NMRK1: variants seen among roughly 807,000 people sequenced by gnomAD.
NMRK1 encodes NRK 1.
A neutral mutation model predicts 29.9 loss-of-function variants in NMRK1; 28 were observed. The ratio of observed to expected loss-of-function variants is 0.94; its 90% CI spans 0.69 to 1.28. The LOEUF is 1.28. NMRK1 is among the 50% of genes most tolerant of loss of function. The pLI, the probability that NMRK1 is intolerant of heterozygous loss-of-function variation, is 0.00. For synonymous variants in NMRK1, 58 were observed against 73.0 expected (o/e 0.79, Z 1.05); for missense variants, 218 against 233.1 (o/e 0.94, Z 0.42).
At chr9:75,077,298 G>T in intron 3 of NMRK1, 91 bp from the exon 4 acceptor site, 2 of 972,942 alleles carry the variant, frequency 2.1e-6, no homozygotes, top group Non-Finnish European at 3.2e-6. Context: ...TTTAATAAAT[G>T]CTTTGGATGA....
At chr9:75,070,270 G>A (rs1823624453) in intron 4 of NMRK1, among the ~76,000 whole-genome samples, 1 of 152,150 alleles carries the variant, frequency 6.6e-6, no homozygotes, top group African/African-American at 2.4e-5. Flanking sequence ...AAAAAGTAAA[G>A]TACAGTGAAC....
At chr9:75,069,666 T>C in intron 6 of NMRK1, 76 bp downstream of exon 6, 2 of 1,163,676 alleles carry the variant, frequency 1.7e-6, no homozygotes, top group South Asian at 2.5e-5. Flanking sequence ...CATTGCTCAA[T>C]AATGTTGCTG....
intron 2 of NMRK1, chr9:75,078,206 C>T (rs1480535307): frequency 6.9e-7 from 1 of 1,447,226 alleles, no homozygotes; most frequent in South Asian, 1.4e-5. Context: ...TCATATGCAA[C>T]ACAGAGAATA....
intron 2 of NMRK1, chr9:75,078,560 G>A (rs1315344333): frequency 8.6e-6 from 11 of 1,279,252 alleles, no homozygotes; most frequent in Non-Finnish European, 9.9e-6. Flanking sequence ...TATTGAAAGC[G>A]TGTTTTAACC....
chr9:75,066,615 T>C (rs1187499964), intron 8 of NMRK1, 142 bp downstream of exon 8: 2 of 678,498 alleles, frequency 2.9e-6, no homozygotes, highest in Non-Finnish European at 5.4e-6. Flanking sequence ...GAATTTCTGA[T>C]TCTGAATTAT....
chr9:75,070,185 T>C (rs897954361), intron 4 of NMRK1, 143 bp from the exon 5 acceptor site: 1 of 606,544 alleles, frequency 1.6e-6, no homozygotes, highest in Non-Finnish European at 2.8e-6. Flanking sequence ...ACAAATAATT[T>C]AGATAACATG....
chr9:75,068,903 T>C (rs1823527190), intron 7 of NMRK1, 93 bp downstream of exon 7: 6 of 768,156 alleles, frequency 7.8e-6, no homozygotes, highest in Non-Finnish European at 1.3e-5. Flanking sequence ...TGCTTAAGCA[T>C]CCCTTTATAC....
At chr9:75,082,744 T>C in intron 2 of NMRK1, 1 of 275,176 alleles carries the variant, frequency 3.6e-6, no homozygotes, top group Non-Finnish European at 6.8e-6. Context: ...AAACTAAGTT[T>C]TCTCCTCCAT....
intron 5 of NMRK1, 32 bp downstream of exon 5, chr9:75,069,859 TTCAC>T: frequency 6.2e-7 from 1 of 1,612,004 alleles, no homozygotes; most frequent in East Asian, 2.2e-5. Context: ...TATCCCCCCA[TTCAC>T]TCAGAGACAA....
At chr9:75,061,643 T>G in intron 8 of NMRK1, 76 bp from the exon 9 acceptor site, 1 of 1,231,656 alleles carries the variant, frequency 8.1e-7, no homozygotes, top group Non-Finnish European at 1.2e-6. Context: ...TCAACAACAG[T>G]AAATCTAAGG....
At position 75,069,378 on chromosome 9, in the gene NMRK1, G is replaced by A. The variant is rs1823560598; in HGVS notation, c.390-276C>T. On this transcript the variant is annotated intron_variant, in intron 6 of 8. Coordinates refer to ENST00000361092, the MANE Select transcript of NMRK1 (RefSeq NM_017881.3). ...ATAAGAGAACTAAGAGACAAATAGTGTAAATAACAATGGAGAGACCACTAT... is the reference window on the plus strand; with the variant it reads ...ATAAGAGAACTAAGAGACAAATAGTATAAATAACAATGGAGAGACCACTAT... The A allele has an allele frequency of 1.0e-5, 5 of 476,320 alleles. No homozygotes were observed. The South Asian group carries it at 1.6e-4, about 15-fold the overall frequency. 29.5% of individuals were successfully genotyped at this position (476,320 alleles called of 1,614,324 possible).
At chr9:75,082,931 T>C (rs1824400779) in intron 2 of NMRK1, 156 bp downstream of exon 2, 1 of 621,698 alleles carries the variant, frequency 1.6e-6, no homozygotes. Flanking sequence ...TGTTGGCATT[T>C]ATGAAGCCAG....
chr9:75,065,051 G>A (rs1823257347), intron 8 of NMRK1, among the ~76,000 whole-genome samples: 1 of 152,198 alleles, frequency 6.6e-6, no homozygotes, highest in Non-Finnish European at 1.5e-5. Context: ...CCAGGGTGGA[G>A]TGCAATGGCA....
intron 1 of NMRK1, among the ~76,000 whole-genome samples, chr9:75,087,364 C>A (rs1463622394): frequency 6.6e-6 from 1 of 152,036 alleles, no homozygotes; most frequent in East Asian, 1.9e-4. Flanking sequence ...TTCCTCCCAC[C>A]GAAGATTCAA....
intron 4 of NMRK1, 30 bp from the exon 5 acceptor site, chr9:75,070,072 C>A: frequency 6.3e-7 from 1 of 1,583,128 alleles, no homozygotes; most frequent in Non-Finnish European, 8.6e-7. Flanking sequence ...AATATGCAAT[C>A]AATATAGCAC....
intron 4 of NMRK1, among the ~76,000 whole-genome samples, chr9:75,076,282 G>A (rs987171233): frequency 3.3e-5 from 5 of 152,198 alleles, no homozygotes; most frequent in Non-Finnish European, 7.3e-5. Context: ...CAGCAACATG[G>A]ATGGAACGGG....
intron 8 of NMRK1, among the ~76,000 whole-genome samples, chr9:75,064,312 G>A: frequency 6.6e-6 from 1 of 152,174 alleles, no homozygotes; most frequent in East Asian, 1.9e-4. Flanking sequence ...AAGACAAAGA[G>A]CTATAGGTGT....
chr9:75,083,553 C>T (rs1824445622), intron 1 of NMRK1, among the ~76,000 whole-genome samples: 1 of 152,216 alleles, frequency 6.6e-6, no homozygotes, highest in African/African-American at 2.4e-5. Context: ...GGGCTGGCCT[C>T]TTTCTCCCCT....
chr9:75,087,082 G>C (rs1346922234), intron 1 of NMRK1, among the ~76,000 whole-genome samples: 1 of 151,898 alleles, frequency 6.6e-6, no homozygotes, highest in Non-Finnish European at 1.5e-5. Context: ...ATTTTTTGCA[G>C]TTTTAGTAGA....
Sources: allele counts gnomAD v4.1 joint callset (sites outside exome capture counted in the v4.1 genomes callset), GRCh38; gene constraint gnomAD v4.1.1; transcripts MANE v1.5; gene names NCBI Gene and HGNC (gene_info 2026-07-23, HGNC 2026-07-21).